The following WSCD1 variants were observed in gnomAD, a reference collection of about 807,000 sequenced individuals.
The protein encoded by WSCD1 is sialate:O-sulfotransferase 1.
Under a neutral mutation model 60.4 loss-of-function variants are expected in WSCD1, and 41 were observed. The observed-to-expected ratio is 0.68, with a 90% CI of 0.53 to 0.88. The LOEUF (loss-of-function observed/expected upper bound fraction) is 0.88, where lower values mean the gene tolerates loss of function less well. WSCD1 is among the 40% of genes least tolerant of loss of function. The pLI is 0.00. For missense variants in WSCD1, 784 were observed against 796.2 expected, an observed-to-expected ratio of 0.98 and a Z score of 0.18; for synonymous variants, 361 against 332.5, an observed-to-expected ratio of 1.09 and a Z score of -0.93.
Position 6,095,306 on chromosome 17 carries a change from G to T in WSCD1, c.849+83G>T. On this transcript the variant is annotated intron_variant, in intron 5 of 8. Coordinates refer to ENST00000317744, the MANE Select transcript of WSCD1 (RefSeq NM_015253.2). ...GAGAGGGGGGCACATGTGCTGGGCT[G>T]CGGGTGTCCCCTCTGGCAGTCCAGA... is the stretch of plus-strand genomic sequence containing the variant. 3 of 1,475,834 alleles carry T rather than the reference G, an allele frequency of 2.0e-6. No individual in the cohort carries two copies. The South Asian group carries it at 4.2e-5, about 21-fold the overall frequency. 91.4% of individuals were successfully genotyped at this position (1,475,834 alleles called of 1,614,324 possible). A position where few individuals can be genotyped will look rare whatever the true frequency, so the allele number is the denominator to read the frequency against.
rs1237264848 is a variant in WSCD1, at chr17:6,118,222, T to C, written c.1375+34T>C. ...GGACCTTGCGGTGGGGGTGGGAGGC[T>C]TGTCAGTACAGGTAGGTTGCTCATC... On this transcript the variant is annotated intron_variant, in intron 8 of 8. Coordinates refer to ENST00000317744, the MANE Select transcript of WSCD1 (RefSeq NM_015253.2). This position sits in a 1 kb window ranked among gnomAD's most constrained non-coding sequence, Gnocchi z 5.8. 6.2e-7 allele frequency: 1 copy of C among 1,605,512 alleles called. No homozygotes were observed. The highest frequency in any genetic ancestry group is 1.7e-5 in the Admixed American group (1 of 59,460).
intron 1 of WSCD1, among the ~76,000 whole-genome samples, chr17:6,077,504 G>C (rs1411293514): frequency 6.6e-6 from 1 of 152,144 alleles, no homozygotes; most frequent in East Asian, 1.9e-4. Context: ...ATGGAAATCT[G>C]GCCTGCACGT....
chr17:6,085,995 G>A (rs1035432362), intron 2 of WSCD1, among the ~76,000 whole-genome samples: 3 of 152,056 alleles, frequency 2.0e-5, no homozygotes, highest in African/African-American at 7.2e-5. Flanking sequence ...GCTGATGGGC[G>A]TCCCCAGATG....
rs966886061 is a variant in WSCD1, at chr17:6,075,043, C to T, written c.-289+4391C>T. On this transcript the variant is annotated intron_variant, in intron 1 of 8. Coordinates refer to ENST00000317744, the MANE Select transcript of WSCD1 (RefSeq NM_015253.2). The surrounding 1 kb of genome is among the most constrained non-coding windows in gnomAD (Gnocchi z 4.1). Reference sequence around the variant, plus strand: ...TCTGCCCGGGTCCTGAAGCTGAGACCCCCTGGCTGCCAGTCACTGAGGCTG... The same window carrying T: ...TCTGCCCGGGTCCTGAAGCTGAGACTCCCTGGCTGCCAGTCACTGAGGCTG... Among the ~76,000 whole-genome samples, 1 of 152,096 alleles carries T rather than the reference C, an allele frequency of 6.6e-6. No homozygotes were observed. Among genetic ancestry groups the T allele is most frequent in the African/African-American group, 2.4e-5 (1 of 41,406 alleles).
In WSCD1 at chr17:6,080,947, C is replaced by T. The variant is rs1218959868; in HGVS notation, c.289C>T (p.Pro97Ser). The T allele has an allele frequency of 6.4e-7, 1 of 1,564,242 alleles. No homozygotes were observed. ...MLQSPLTRPR[P>S]GPRWLRSRNS... ...GCAGAGCCCCCTGACCCGGCCCCGGCCCGGCCCCCGCTGGCTCCGGAGCCG... is the reference window on the plus strand; with the variant it reads ...GCAGAGCCCCCTGACCCGGCCCCGGTCCGGCCCCCGCTGGCTCCGGAGCCG... Residue 97 changes from proline (P) to serine (S), a missense_variant, in exon 2 of 9, where the codon CCC (proline) becomes TCC (serine). Transcript: ENST00000317744. This position sits in a 1 kb window ranked among gnomAD's most constrained non-coding sequence, Gnocchi z 6.6.
chr17:6,078,047 C>G (rs1183438297), intron 1 of WSCD1: 1 of 152,280 alleles, frequency 6.6e-6, no homozygotes, highest in East Asian at 1.9e-4. Flanking sequence ...TCCATCTCTC[C>G]CATGTTTCAG....
chr17:6,107,892 G>A (rs1911185992), intron 5 of WSCD1, among the ~76,000 whole-genome samples: 1 of 152,206 alleles, frequency 6.6e-6, no homozygotes, highest in Non-Finnish European at 1.5e-5. Context: ...ATAGAAGAGT[G>A]GTGTAGGGGC....
Position 6,080,753 on chromosome 17 carries a change from T to A in WSCD1, c.95T>A (p.Leu32Gln). The change falls in exon 2 of 9, where the codon CTG (leucine) becomes CAG (glutamine). Residue 32 changes from leucine to glutamine, a missense_variant. Leu to Gln is a moderately radical substitution (Grantham distance 113, BLOSUM62 -2). Coordinates refer to ENST00000317744, the MANE Select transcript of WSCD1 (RefSeq NM_015253.2). The surrounding 1 kb of genome is among the most constrained non-coding windows in gnomAD (Gnocchi z 6.6). ...GCTGCCTACCTGATGACCGGCAGCC[T>A]GCTGCTGCTGCAGCGGGTCCGCGTG... ...LTAAYLMTGSLLLLQRVRVAL... is the reference protein window; with the variant it reads ...LTAAYLMTGSQLLLQRVRVAL... 6 of 1,610,294 alleles carry A rather than the reference T, an allele frequency of 3.7e-6. No homozygotes were observed. The highest frequency in any genetic ancestry group is 5.1e-6 in the Non-Finnish European group (6 of 1,178,760).
At chr17:6,081,698 C>G (rs986693943) in intron 2 of WSCD1, among the ~76,000 whole-genome samples, 1 of 150,860 alleles carries the variant, frequency 6.6e-6, no homozygotes, top group African/African-American at 2.4e-5. Context: ...GAAGGAGACT[C>G]TGTCTCAAAA....
At chr17:6,120,267 G>C in intron 8 of WSCD1, 42 bp from the exon 9 acceptor site, 2 of 1,581,614 alleles carry the variant, frequency 1.3e-6, no homozygotes, top group Non-Finnish European at 1.7e-6. Context: ...AGCCCTGGCA[G>C]GGCCAGCCCC....
chr17:6,081,178 G>T, intron 2 of WSCD1, 93 bp downstream of exon 2: 1 of 1,359,434 alleles, frequency 7.4e-7, no homozygotes. Flanking sequence ...CAGGCCTGTG[G>T]CCTTCACCGC....
At chr17:6,102,464 T>C (rs1597365198) in intron 5 of WSCD1, among the ~76,000 whole-genome samples, 1 of 152,244 alleles carries the variant, frequency 6.6e-6, no homozygotes, top group East Asian at 1.9e-4. Flanking sequence ...TTGAATTGCT[T>C]ATAAAAAGTC....
Position 6,102,350 on chromosome 17 carries a change from GCCAATGGT to G in WSCD1, c.849+7128_849+7135del, listed in dbSNP as rs537550922. The stretch of plus-strand genomic sequence containing the variant: ...ATGGGGCACCCAAGTTCATGTCTTT[GCCAATGGT>G]TGGGTCTGTAAGAGTCTGGGTTTTG... On this transcript the variant is annotated intron_variant, in intron 5 of 8. Coordinates refer to ENST00000317744, the MANE Select transcript of WSCD1 (RefSeq NM_015253.2). 6.8e-4 allele frequency among the ~76,000 whole-genome samples: 103 copies of G among 152,334 alleles called. 2 individuals carry two copies. The South Asian group carries it at 0.021, about 31-fold the overall frequency.
At chr17:6,117,865 C>A in intron 7 of WSCD1, 123 bp from the exon 8 acceptor site, 1 of 974,780 alleles carries the variant, frequency 1.0e-6, no homozygotes, top group Non-Finnish European at 1.5e-6. Context: ...TCAGTGTCCT[C>A]TGTGTCTTCC....
chr17:6,105,694 G>C (rs1204830891), intron 5 of WSCD1, among the ~76,000 whole-genome samples: 2 of 152,178 alleles, frequency 1.3e-5, no homozygotes, highest in Non-Finnish European at 2.9e-5. Flanking sequence ...GGTCACTGCT[G>C]GGGGCAGCCC....
Position 6,080,506 on chromosome 17 carries a change from C to T in WSCD1, c.-153C>T, listed in dbSNP as rs749724292. ...GTGCCATTTGAACACCTACTGGAAA[C>T]GGGGCAGGAACAGTGAGTGACCCCA... is the stretch of plus-strand genomic sequence containing the variant. On this transcript the variant is annotated 5_prime_UTR_variant, in exon 2 of 9. In the 5' UTR this introduces an upstream ATG that the reference lacks. Coordinates refer to ENST00000317744, the MANE Select transcript of WSCD1 (RefSeq NM_015253.2). This position sits in a 1 kb window ranked among gnomAD's most constrained non-coding sequence, Gnocchi z 6.6. 36 of 728,882 alleles carry T rather than the reference C, an allele frequency of 4.9e-5. No homozygotes were observed. The highest frequency in any genetic ancestry group is 1.6e-4 in the East Asian group (6 of 36,896). 45.2% of individuals were successfully genotyped at this position (728,882 alleles called of 1,614,324 possible).
intron 5 of WSCD1, among the ~76,000 whole-genome samples, chr17:6,100,541 C>T (rs1334808243): frequency 6.6e-6 from 1 of 152,254 alleles, no homozygotes; most frequent in Non-Finnish European, 1.5e-5. Flanking sequence ...TACTGTTAGC[C>T]CCTCAGCTCT....
At chr17:6,119,525 C>T (rs1904511299) in intron 8 of WSCD1, among the ~76,000 whole-genome samples, 1 of 152,228 alleles carries the variant, frequency 6.6e-6, no homozygotes, top group Admixed American at 6.5e-5. Context: ...GCTTGTGCTC[C>T]TGTCCACTTG....
chr17:6,099,651 G>T (rs149072320), intron 5 of WSCD1, among the ~76,000 whole-genome samples: 1 of 152,186 alleles, frequency 6.6e-6, no homozygotes, highest in African/African-American at 2.4e-5. Context: ...ATGATGACCT[G>T]CATTTGCATA....
Sources: gnomAD v4.1 joint callset for allele counts (sites outside exome capture counted in the v4.1 genomes callset) on GRCh38, gnomAD v4.1.1 for gene constraint, Gnocchi (gnomAD v3.1) non-coding constraint, MANE v1.5 for transcripts, NCBI Gene and HGNC (gene_info 2026-07-23, HGNC 2026-07-21) for gene names.